The following INTS6 variants were observed in gnomAD, a reference collection of about 807,000 sequenced individuals.
INTS6 encodes DEAD box protein.
Under a neutral mutation model 104.9 loss-of-function variants are expected in INTS6, and 16 were observed. The observed-to-expected ratio is 0.15, with a 90% CI of 0.10 to 0.23. The LOEUF (loss-of-function observed/expected upper bound fraction) is 0.23. Among genes scored for constraint, INTS6 ranks in the 10% least tolerant of loss-of-function variants. The pLI is 1.00. For missense variants in INTS6, 584 were observed against 1,062.8 expected, an observed-to-expected ratio of 0.55 and a Z score of 6.26; for synonymous variants, 324 against 358.7, an observed-to-expected ratio of 0.90 and a Z score of 1.09.
At chr13:51,433,426 C>A (rs192732614) in intron 3 of INTS6, among the ~76,000 whole-genome samples, 10 of 152,318 alleles carry the variant, frequency 6.6e-5, no homozygotes, top group African/African-American at 2.4e-4. Context: ...CCAGCCTGGG[C>A]GACAGAGTGA....
intron 3 of INTS6, among the ~76,000 whole-genome samples, chr13:51,356,390 A>C (rs1237559654): frequency 6.6e-6 from 1 of 152,194 alleles, no homozygotes; most frequent in Non-Finnish European, 1.5e-5. Flanking sequence ...TGAAGAACTT[A>C]AGAGAATTCT....
intron 4 of INTS6, among the ~76,000 whole-genome samples, chr13:51,401,957 GA>G (rs950571495): frequency 1.3e-4 from 20 of 151,894 alleles, no homozygotes; most frequent in African/African-American, 2.7e-4. Flanking sequence ...ACTACTTTTA[GA>G]AAAAAAATTT....
At chr13:51,348,716 G>A in the INTS6 span, 1 of 332,430 alleles carries the variant, frequency 3.0e-6, no homozygotes, top group Non-Finnish European at 5.6e-6. Flanking sequence ...CCAGCCCTAG[G>A]CTGGACCAGT....
At chr13:51,451,861 G>A in intron 2 of INTS6, 117 bp downstream of exon 2, 2 of 640,870 alleles carry the variant, frequency 3.1e-6, no homozygotes, top group South Asian at 1.9e-5. Flanking sequence ...TCAGCGGCTG[G>A]GAGCGCAGCG....
At chr13:51,338,382 C>A in the INTS6 span, among the ~76,000 whole-genome samples, 1 of 152,052 alleles carries the variant, frequency 6.6e-6, no homozygotes, top group Non-Finnish European at 1.5e-5. Flanking sequence ...ATGCCCAGAA[C>A]CTAGCAGCAC....
intron 11 of INTS6, among the ~76,000 whole-genome samples, chr13:51,378,842 A>G (rs1301367126): frequency 6.6e-6 from 1 of 152,080 alleles, no homozygotes; most frequent in African/African-American, 2.4e-5. Flanking sequence ...TAGCACATCA[A>G]TATGGCAAAT....
intron 3 of INTS6, chr13:51,445,550 C>A (rs1172131341): frequency 1.3e-5 from 2 of 152,162 alleles, no homozygotes; most frequent in Admixed American, 6.5e-5. Context: ...AACCTCTCAA[C>A]AATTCTATAT....
intron 3 of INTS6, chr13:51,450,456 G>A: frequency 5.1e-6 from 5 of 985,360 alleles, no homozygotes; most frequent in Non-Finnish European, 6.0e-6. Flanking sequence ...AAAACTCTGG[G>A]CCTGAAATTT....
chr13:51,337,835 TGGAGCCTCACTTAGCAGTATAATGAAC>T, the INTS6 span, among the ~76,000 whole-genome samples: 2 of 152,190 alleles, frequency 1.3e-5, no homozygotes, highest in African/African-American at 4.8e-5. Flanking sequence ...TCTCCAAGAA[TGGAGCCTCACTTAGCAGTATAATGAAC>T]ATCCATCCCA....
intron 13 of INTS6, among the ~76,000 whole-genome samples, chr13:51,375,303 G>C (rs1011792978): frequency 1.4e-5 from 2 of 142,906 alleles, no homozygotes; most frequent in African/African-American, 5.3e-5. Flanking sequence ...AGTGAGCCGA[G>C]ATCACACCAC....
At chr13:51,429,800 A>ATG (rs1555290266) in intron 4 of INTS6, among the ~76,000 whole-genome samples, 1 of 136,974 alleles carries the variant, frequency 7.3e-6, no homozygotes, top group African/African-American at 2.7e-5. Flanking sequence ...ATATATATAT[A>ATG]TATATATATG....
intron 17 of INTS6, among the ~76,000 whole-genome samples, chr13:51,366,529 T>G (rs2137851552): frequency 6.6e-6 from 1 of 152,146 alleles, no homozygotes; most frequent in East Asian, 1.9e-4. Flanking sequence ...TCCTACTTCC[T>G]TGCTACTTAG....
At chr13:51,404,593 G>A (rs1956523338) in intron 4 of INTS6, among the ~76,000 whole-genome samples, 1 of 152,098 alleles carries the variant, frequency 6.6e-6, no homozygotes, top group Admixed American at 6.5e-5. Flanking sequence ...TGTATAAGAT[G>A]TATACTGAGA....
chr13:51,366,888 TATA>T (rs1955702706), intron 17 of INTS6, among the ~76,000 whole-genome samples: 1 of 152,028 alleles, frequency 6.6e-6, no homozygotes, highest in South Asian at 2.1e-4. Flanking sequence ...CAAGTTTTCT[TATA>T]ATACTAAAAT....
chr13:51,367,696 T>C, intron 17 of INTS6, 109 bp downstream of exon 17: 1 of 606,404 alleles, frequency 1.6e-6, no homozygotes, highest in East Asian at 3.3e-5. Flanking sequence ...TGGTATGCCA[T>C]ATACATTTAT....
rs1002347563 is a variant in INTS6 at position 51,452,463 on chromosome 13, G to A, written c.63C>T (p.Gly21=). 2 of 1,612,112 alleles carry A rather than the reference G, an allele frequency of 1.2e-6. No individual in the cohort carries two copies. Among genetic ancestry groups the A allele is most frequent in the Non-Finnish European group, 8.5e-7 (1 of 1,178,898 alleles). ...CTTTGGCCGTGTCCAGGTAGGTGGT[G>A]CCCAGATGGCTGCGCTGGTTCATAG... The part of the protein sequence containing the change: ...SASMNQRSHL[G]TTYLDTAKGA... Residue 21 remains glycine (G), a synonymous_variant, in exon 1 of 18, where the codon GGC becomes GGT. Coordinates refer to ENST00000311234, the MANE Select transcript of INTS6 (RefSeq NM_012141.3). This position sits in a 1 kb window ranked among gnomAD's most constrained non-coding sequence, Gnocchi z 4.2.
intron 3 of INTS6, chr13:51,355,189 C>A: frequency 1.2e-6 from 1 of 818,538 alleles, no homozygotes; most frequent in Non-Finnish European, 2.0e-6. Context: ...GTATTTGGGG[C>A]AGTTTTATCA....
intron 4 of INTS6, among the ~76,000 whole-genome samples, chr13:51,429,785 A>AAAAAAAAAAAAAAATAT (rs1156333077): frequency 2.2e-5 from 2 of 92,358 alleles, no homozygotes; most frequent in South Asian, 3.8e-4. Flanking sequence ...AAAAAAAAAA[A>AAAAAAAAAAAAAAATAT]ATATATATAT....
At chr13:51,435,619 T>C (rs1874268973) in intron 3 of INTS6, among the ~76,000 whole-genome samples, 1 of 152,056 alleles carries the variant, frequency 6.6e-6, no homozygotes, top group South Asian at 2.1e-4. Context: ...GAAAAAAAAT[T>C]TTGAAAATAC....
Sources: allele counts gnomAD v4.1 joint callset (sites outside exome capture counted in the v4.1 genomes callset), GRCh38; gene constraint gnomAD v4.1.1; non-coding constraint Gnocchi (gnomAD v3.1); transcripts MANE v1.5; gene names NCBI Gene and HGNC (gene_info 2026-07-23, HGNC 2026-07-21).